The following COMMD10 variants were observed in gnomAD, a reference collection of about 807,000 sequenced individuals.
The protein encoded by COMMD10 is COMM domain-containing protein 10.
Under a neutral mutation model 28.9 loss-of-function variants are expected in COMMD10, and 33 were observed. That is an observed-to-expected ratio of 1.14 (90% CI 0.87 to 1.53). The LOEUF (loss-of-function observed/expected upper bound fraction) is 1.53. Ranked by LOEUF, COMMD10 falls within the 40% of genes most tolerant of loss-of-function variation. The pLI, the probability that COMMD10 is intolerant of heterozygous loss-of-function variation, is 0.00. For synonymous variants in COMMD10, 110 were observed against 81.7 expected, an observed-to-expected ratio of 1.35 and a Z score of -1.87; for missense variants, 310 against 233.4, an observed-to-expected ratio of 1.33 and a Z score of -2.14.
At chr5:116,267,436 A>G (rs1373787860) in intron 5 of COMMD10, among the ~76,000 whole-genome samples, 3 of 151,902 alleles carry the variant, frequency 2.0e-5, no homozygotes, top group East Asian at 3.9e-4. Context: ...CCACTGCTCA[A>G]CGAAATAAAA....
intron 5 of COMMD10, among the ~76,000 whole-genome samples, chr5:116,187,993 G>A (rs1159417800): frequency 6.6e-6 from 1 of 152,110 alleles, no homozygotes. Flanking sequence ...CAAGTATATA[G>A]ATTCAGATCT....
intron 5 of COMMD10, among the ~76,000 whole-genome samples, chr5:116,210,902 C>T (rs916512900): frequency 6.6e-6 from 1 of 151,802 alleles, no homozygotes; most frequent in African/African-American, 2.4e-5. Flanking sequence ...TTTGCTTTGC[C>T]TATTATTATT....
chr5:116,225,810 T>G (rs78275726), intron 5 of COMMD10, among the ~76,000 whole-genome samples: 2 of 133,108 alleles, frequency 1.5e-5, no homozygotes, highest in Middle Eastern at 3.3e-3. Flanking sequence ...AAAATCTTGT[T>G]TTTTTTTTTT....
At chr5:116,282,389 C>T (rs894564376) in intron 5 of COMMD10, among the ~76,000 whole-genome samples, 3 of 151,864 alleles carry the variant, frequency 2.0e-5, no homozygotes, top group Non-Finnish European at 4.4e-5. Flanking sequence ...ATATACAGTT[C>T]AGCCAGTTCT....
chr5:116,264,680 A>C (rs1393894672), intron 5 of COMMD10, among the ~76,000 whole-genome samples: 1 of 151,834 alleles, frequency 6.6e-6, no homozygotes, highest in Non-Finnish European at 1.5e-5. Flanking sequence ...CATATTGCTA[A>C]TTTCTCACAT....
At chr5:116,276,567 G>A (rs1750918300) in intron 5 of COMMD10, among the ~76,000 whole-genome samples, 2 of 151,722 alleles carry the variant, frequency 1.3e-5, no homozygotes, top group African/African-American at 2.4e-5. Flanking sequence ...GAAAATCAAA[G>A]TGTGTTAGTA....
At chr5:116,225,247 T>A (rs1331053571) in intron 5 of COMMD10, among the ~76,000 whole-genome samples, 1 of 152,022 alleles carries the variant, frequency 6.6e-6, no homozygotes, top group East Asian at 1.9e-4. Flanking sequence ...TTTTTTGAAT[T>A]ACTTTACTTG....
intron 4 of COMMD10, among the ~76,000 whole-genome samples, chr5:116,107,500 G>A (rs1750880664): frequency 6.6e-6 from 1 of 152,036 alleles, no homozygotes; most frequent in African/African-American, 2.4e-5. Flanking sequence ...GCTTCATGAA[G>A]TTCTCGTGCT....
intron 5 of COMMD10, among the ~76,000 whole-genome samples, chr5:116,156,352 C>T (rs1358498745): frequency 2.0e-5 from 3 of 152,076 alleles, no homozygotes; most frequent in Admixed American, 6.6e-5. Context: ...AAAATTGGAA[C>T]AATAGTAGGT....
At chr5:116,136,542 C>G (rs916009396) in intron 5 of COMMD10, among the ~76,000 whole-genome samples, 1 of 152,184 alleles carries the variant, frequency 6.6e-6, no homozygotes, top group Non-Finnish European at 1.5e-5. Flanking sequence ...TCAAGTCCTT[C>G]TAGCTTCTTT....
chr5:116,113,923 A>C (rs1180602785), intron 4 of COMMD10, among the ~76,000 whole-genome samples: 1 of 149,312 alleles, frequency 6.7e-6, no homozygotes, highest in African/African-American at 2.5e-5. Flanking sequence ...TTTTCAATTT[A>C]ACTTTTGTTT....
At chr5:116,108,896 G>T (rs765258228) in intron 4 of COMMD10, among the ~76,000 whole-genome samples, 1 of 152,158 alleles carries the variant, frequency 6.6e-6, no homozygotes, top group Non-Finnish European at 1.5e-5. Context: ...CTGGGCCGGA[G>T]TGCACCGTTC....
intron 4 of COMMD10, among the ~76,000 whole-genome samples, chr5:116,101,228 A>G (rs1011058242): frequency 1.3e-5 from 2 of 152,084 alleles, no homozygotes; most frequent in East Asian, 1.9e-4. Flanking sequence ...TTTTTAGTAC[A>G]CTGATTTCTT....
At chr5:116,233,284 ATTG>A (rs763681320) in intron 5 of COMMD10, among the ~76,000 whole-genome samples, 27 of 152,050 alleles carry the variant, frequency 1.8e-4, no homozygotes, top group East Asian at 1.4e-3. Flanking sequence ...ATTATTAGTT[ATTG>A]TTAATCTTTT....
chr5:116,141,799 G>C (rs1360630653), intron 5 of COMMD10, among the ~76,000 whole-genome samples: 1 of 151,780 alleles, frequency 6.6e-6, no homozygotes, highest in Non-Finnish European at 1.5e-5. Flanking sequence ...TCTGATTTTT[G>C]TATGGTGATT....
Position 116,091,171 on chromosome 5 carries a change from A to G in COMMD10, c.225A>G (p.Ile75Met), listed in dbSNP as rs769103610. The G allele has an allele frequency of 2.5e-6, 4 of 1,598,430 alleles. No homozygotes were observed. In the African/African-American group the frequency reaches 4.0e-5, roughly 16 times the overall value. Residue 75 changes from isoleucine (I) to methionine (M), a missense_variant, in exon 3 of 7, where the codon ATA (isoleucine) becomes ATG (methionine). Physicochemically the swap from Ile to Met is conservative, Grantham distance 10. Transcript: ENST00000274458. The stretch of plus-strand genomic sequence containing the variant: ...ATCTTCACCTAGTTCTTGAAACAAT[A>G]TCATTTATTTTAGAACAGGTATTTT... Reference protein sequence around the residue: ...KQDLHLVLETISFILEQAVYH... With the variant: ...KQDLHLVLETMSFILEQAVYH...
rs1024220825 is a variant in COMMD10, at chr5:116,121,741, G to A, written c.400-12327G>A. 3.9e-5 allele frequency among the ~76,000 whole-genome samples: 6 copies of A among 152,180 alleles called. No individual in the cohort carries two copies. In the South Asian group the frequency reaches 1.2e-3, roughly 31 times the overall value. ...ATTCTCTGATGGCCAGTGATGATGA[G>A]CATTTTTTCATGTGTCTGTTGGCTG... On this transcript the variant is annotated intron_variant, in intron 4 of 6. Transcript: ENST00000274458.
intron 5 of COMMD10, among the ~76,000 whole-genome samples, chr5:116,175,854 T>C (rs1753492259): frequency 6.6e-6 from 1 of 152,102 alleles, no homozygotes; most frequent in Non-Finnish European, 1.5e-5. Context: ...AGAATGGTAG[T>C]TGCTAGAGGC....
Position 116,092,532 on chromosome 5 carries a change from T to C in COMMD10, c.244-13T>C. 1.3e-6 allele frequency: 2 copies of C among 1,535,288 alleles called. No individual in the cohort carries two copies. The highest frequency in any genetic ancestry group is 1.8e-6 in the Non-Finnish European group (2 of 1,139,366). On this transcript the variant is annotated splice_polypyrimidine_tract_variant and intron_variant, in intron 3 of 6. Transcript: ENST00000274458. ...ATGAGGGACATATGTAATTTTTTGT[T>C]TCTTTTTAATAGGCAGTGTATCACA...
Sources: gnomAD v4.1 joint callset for allele counts (sites outside exome capture counted in the v4.1 genomes callset) on GRCh38, gnomAD v4.1.1 for gene constraint, MANE v1.5 for transcripts, NCBI Gene and HGNC (gene_info 2026-07-23, HGNC 2026-07-21) for gene names.